PTCD2: variants seen among roughly 807,000 people sequenced by gnomAD.
The protein encoded by PTCD2 is pentatricopeptide repeat domain 2, also known as pentatricopeptide repeat-containing protein 2, mitochondrial.
PTCD2 carries 31 observed loss-of-function variants against 42.6 expected under a neutral mutation model. That is an observed-to-expected ratio of 0.73 (90% confidence interval 0.55 to 0.98). PTCD2 has a LOEUF of 0.98. Among genes scored for constraint, PTCD2 ranks in the 50% least tolerant of loss-of-function variants. The probability of loss-of-function intolerance (pLI) is 0.00; values close to 1 mark genes in which losing one functional copy is unlikely to be tolerated. For synonymous variants in PTCD2, 183 were observed against 170.9 expected, an observed-to-expected ratio of 1.07 and a Z score of -0.55; for missense variants, 476 against 454.8, an observed-to-expected ratio of 1.05 and a Z score of -0.42.
At chr5:72,339,033 GTTTAA>G (rs1380814395) in intron 7 of PTCD2, among the ~76,000 whole-genome samples, 1 of 152,336 alleles carries the variant, frequency 6.6e-6, no homozygotes, top group African/African-American at 2.4e-5. Context: ...TCAGAGAACA[GTTTAA>G]TTTAATGCTC....
Position 72,352,482 on chromosome 5 carries a change from T to C in PTCD2, c.829-159T>C, listed in dbSNP as rs189506631. Among the ~76,000 whole-genome samples the C allele has an allele frequency of 9.2e-5, 14 of 152,314 alleles. No individual in the cohort carries two copies. The East Asian group carries it at 2.5e-3, about 27-fold the overall frequency. On this transcript the variant is annotated intron_variant, in intron 8 of 9. Transcript: ENST00000380639. Reference sequence around the variant, plus strand: ...GCACATTTTGGCTCGTAAGTGTACATTTAAAGCACGTTTTTGAACTTGTGT... The same window carrying C: ...GCACATTTTGGCTCGTAAGTGTACACTTAAAGCACGTTTTTGAACTTGTGT...
At chr5:72,336,019 G>A in intron 6 of PTCD2, 134 bp downstream of exon 6, 1 of 595,524 alleles carries the variant, frequency 1.7e-6, no homozygotes, top group Non-Finnish European at 2.9e-6. Flanking sequence ...AATTTTAAAT[G>A]TTTTTATTTT....
rs1753103180 is a variant in PTCD2, at chr5:72,361,859, C to T, written c.*3432C>T. The stretch of plus-strand genomic sequence containing the variant: ...TCAGGTCTTGGCTTAGACATCTTTT[C>T]ATCTGAGAAGGCTTTCTGGTCTAGT... On this transcript the variant is annotated 3_prime_UTR_variant, in exon 10 of 10. Coordinates refer to ENST00000380639, the MANE Select transcript of PTCD2 (RefSeq NM_024754.5). 1 of 152,280 alleles carries T rather than the reference C, an allele frequency of 6.6e-6. No individual in the cohort carries two copies. The highest frequency in any genetic ancestry group is 1.5e-5 in the Non-Finnish European group (1 of 68,090). 9.4% of individuals were successfully genotyped at this position (152,280 alleles called of 1,614,324 possible).
intron 2 of PTCD2, among the ~76,000 whole-genome samples, chr5:72,325,911 C>T (rs1053852933): frequency 1.5e-4 from 23 of 152,152 alleles, no homozygotes; most frequent in African/African-American, 5.6e-4. Flanking sequence ...TTTGTCCCCA[C>T]GGTTGATCAG....
chr5:72,333,542 A>G (rs114563915), intron 4 of PTCD2, among the ~76,000 whole-genome samples: 106 of 152,306 alleles, frequency 7.0e-4, no homozygotes, highest in African/African-American at 2.5e-3. Context: ...AAAAGAGTGA[A>G]CTTGAGCAAG....
At chr5:72,355,068 A>G (rs1199149843) in intron 9 of PTCD2, among the ~76,000 whole-genome samples, 2 of 152,238 alleles carry the variant, frequency 1.3e-5, no homozygotes, top group South Asian at 2.1e-4. Flanking sequence ...GATAAAAAAA[A>G]CAAAACTTAA....
intron 3 of PTCD2, among the ~76,000 whole-genome samples, chr5:72,329,130 CTCTT>C (rs1751295289): frequency 6.6e-6 from 1 of 152,182 alleles, no homozygotes; most frequent in South Asian, 2.1e-4. Context: ...ATCCTGAACA[CTCTT>C]TCTACTCTTA....
chr5:72,353,879 T>G (rs2112228186), intron 9 of PTCD2, among the ~76,000 whole-genome samples: 1 of 152,332 alleles, frequency 6.6e-6, no homozygotes, highest in Non-Finnish European at 1.5e-5. Flanking sequence ...ATTTTTAAAT[T>G]GAAATACACA....
At chr5:72,349,054 A>G (rs1376668951) in intron 8 of PTCD2, among the ~76,000 whole-genome samples, 2 of 152,196 alleles carry the variant, frequency 1.3e-5, no homozygotes, top group Admixed American at 1.3e-4. Flanking sequence ...TAAAAATAAA[A>G]CCTGTACAAA....
intron 9 of PTCD2, among the ~76,000 whole-genome samples, chr5:72,354,860 A>G (rs1446448635): frequency 3.9e-5 from 6 of 152,224 alleles, no homozygotes; most frequent in Non-Finnish European, 8.8e-5. Flanking sequence ...TAGTTGTACA[A>G]ATTAGGGTCT....
Position 72,358,454 on chromosome 5 carries a change from T to G in PTCD2, c.*27T>G. 6.5e-7 allele frequency: 1 copy of G among 1,531,344 alleles called. No individual in the cohort carries two copies. The highest frequency in any genetic ancestry group is 9.0e-7 in the Non-Finnish European group (1 of 1,108,300). The allele number at this position is 1,531,344 out of a possible 1,614,324, so 94.9% of individuals were successfully genotyped here. A position where few individuals can be genotyped will look rare whatever the true frequency, so the allele number is the denominator to read the frequency against. ...CCTGGTTTCAGTCCACCTATGGATC[T>G]GAGGGGCCTGCTTCTAGTGAGTTAT... On this transcript the variant is annotated 3_prime_UTR_variant, in exon 10 of 10. Transcript: ENST00000380639.
chr5:72,365,617 A>G lies in PTCD2; in HGVS notation c.*7190A>G, dbSNP rs1753186386. Reference sequence around the variant, plus strand: ...CATGTAGCCATGAAGACTGAAGAGGATTAAGTTAACCTTCCATTTTATAGC... The same window carrying G: ...CATGTAGCCATGAAGACTGAAGAGGGTTAAGTTAACCTTCCATTTTATAGC... On this transcript the variant is annotated 3_prime_UTR_variant, in exon 10 of 10. Coordinates refer to ENST00000380639, the MANE Select transcript of PTCD2 (RefSeq NM_024754.5). 6.6e-6 allele frequency: 1 copy of G among 152,162 alleles called. No individual in the cohort carries two copies. The highest frequency in any genetic ancestry group is 1.5e-5 in the Non-Finnish European group (1 of 68,034). The allele number at this position is 152,162 out of a possible 1,614,324, so 9.4% of individuals were successfully genotyped here.
intron 8 of PTCD2, among the ~76,000 whole-genome samples, chr5:72,348,014 C>T (rs577668515): frequency 2.6e-5 from 4 of 152,254 alleles, no homozygotes; most frequent in Non-Finnish European, 4.4e-5. Flanking sequence ...TACCCACTGT[C>T]GGGAAACTTA....
intron 8 of PTCD2, among the ~76,000 whole-genome samples, chr5:72,347,917 A>C (rs1035872459): frequency 1.3e-5 from 2 of 152,130 alleles, no homozygotes; most frequent in Non-Finnish European, 2.9e-5. Context: ...GATGCAGTGG[A>C]ATGGGCGTGT....
intron 7 of PTCD2, among the ~76,000 whole-genome samples, chr5:72,339,983 T>G (rs1243374127): frequency 6.6e-6 from 1 of 152,212 alleles, no homozygotes; most frequent in Non-Finnish European, 1.5e-5. Flanking sequence ...TTGTTTTAGC[T>G]TTGTCTCTTA....
Position 72,335,066 on chromosome 5 carries a change from G to C in PTCD2, c.517G>C (p.Asp173His), listed in dbSNP as rs764388845. The C allele has an allele frequency of 6.3e-7, 1 of 1,584,392 alleles. No homozygotes were observed. Among genetic ancestry groups the C allele is most frequent in the Non-Finnish European group, 8.7e-7 (1 of 1,153,954 alleles). ...CTCCACATCATTCAATATTTTGATG[G>C]ATATGTTATTTATCAAAGGCAAATA... ...SDSTSFNILM[D>H]MLFIKGKYKS... The change falls in exon 5 of 10, where the codon GAT (aspartate) becomes CAT (histidine). Residue 173 changes from aspartate to histidine, a missense_variant. Asp to His is a moderately conservative substitution (Grantham distance 81). Coordinates refer to ENST00000380639, the MANE Select transcript of PTCD2 (RefSeq NM_024754.5).
rs750169730 is a variant in PTCD2, at chr5:72,361,307, G to A, written c.*2880G>A. On this transcript the variant is annotated 3_prime_UTR_variant, in exon 10 of 10. Coordinates refer to ENST00000380639, the MANE Select transcript of PTCD2 (RefSeq NM_024754.5). The stretch of plus-strand genomic sequence containing the variant: ...GGGCTCAGCCAGACAGTTCTTATTC[G>A]GGTTCTCATGCAGTTATAGTCATCA... The A allele has an allele frequency of 8.5e-5, 13 of 152,170 alleles. No individual in the cohort carries two copies. Among genetic ancestry groups the A allele is most frequent in the African/African-American group, 1.9e-4 (8 of 41,514 alleles). The allele number at this position is 152,170 out of a possible 1,614,324, so 9.4% of individuals were successfully genotyped here.
At chr5:72,356,279 C>G (rs897792207) in intron 9 of PTCD2, among the ~76,000 whole-genome samples, 1 of 152,322 alleles carries the variant, frequency 6.6e-6, no homozygotes, top group East Asian at 1.9e-4. Flanking sequence ...ATTTATATGG[C>G]TAAAGCACCC....
rs1753226714 is a variant in PTCD2, at chr5:72,367,243, T to A, written c.*8816T>A. 2.0e-5 allele frequency: 3 copies of A among 152,296 alleles called. No individual in the cohort carries two copies. The South Asian group carries it at 6.2e-4, about 32-fold the overall frequency. The allele number at this position is 152,296 out of a possible 1,614,324, so 9.4% of individuals were successfully genotyped here. Reference sequence around the variant, plus strand: ...CATTATCATGAAACTTTAATATATATTGAGACTTCACAGAGCACTAACTAT... The same window carrying A: ...CATTATCATGAAACTTTAATATATAATGAGACTTCACAGAGCACTAACTAT... On this transcript the variant is annotated 3_prime_UTR_variant, in exon 10 of 10. Transcript: ENST00000380639.
Sources: gnomAD v4.1 joint callset for allele counts (sites outside exome capture counted in the v4.1 genomes callset) on GRCh38, gnomAD v4.1.1 for gene constraint, MANE v1.5 for transcripts, NCBI Gene and HGNC (gene_info 2026-07-23, HGNC 2026-07-21) for gene names.